CTNNA3: variants seen among roughly 807,000 people sequenced by gnomAD.
The protein encoded by CTNNA3 is catenin alpha-3.
Under a neutral mutation model 95.7 loss-of-function variants are expected in CTNNA3, and 76 were observed. The observed-to-expected ratio is 0.79, with a 90% CI of 0.66 to 0.96. The LOEUF (loss-of-function observed/expected upper bound fraction) is 0.96, where lower values mean the gene tolerates loss of function less well. CTNNA3 is among the 40% of genes least tolerant of loss of function. CTNNA3 has a pLI of 0.00. For synonymous variants in CTNNA3, 431 were observed against 374.4 expected, an observed-to-expected ratio of 1.15 and a Z score of -1.74; for missense variants, 1,191 against 1,089.8, an observed-to-expected ratio of 1.09 and a Z score of -1.31.
At chr10:66,476,757 T>C (rs940090943) in intron 11 of CTNNA3, among the ~76,000 whole-genome samples, 3 of 152,118 alleles carry the variant, frequency 2.0e-5, no homozygotes, top group Admixed American at 6.6e-5. Context: ...TTTGAAGCTG[T>C]CTTCTGCTAT....
At chr10:67,452,140 A>T (rs1847013893) in intron 5 of CTNNA3, among the ~76,000 whole-genome samples, 1 of 151,916 alleles carries the variant, frequency 6.6e-6, no homozygotes, top group African/African-American at 2.4e-5. Context: ...TATAAGCAAC[A>T]CTTTAAAGCA....
At chr10:66,167,059 A>C (rs1471223850) in intron 13 of CTNNA3, among the ~76,000 whole-genome samples, 1 of 152,202 alleles carries the variant, frequency 6.6e-6, no homozygotes, top group Non-Finnish European at 1.5e-5. Context: ...TTGCTTCTAA[A>C]AACTGAAGTA....
chr10:67,742,015 T>C (rs993209920), intron 1 of CTNNA3, among the ~76,000 whole-genome samples: 24 of 151,078 alleles, frequency 1.6e-4, no homozygotes, highest in African/African-American at 5.8e-4. Flanking sequence ...AGCAAGTCCT[T>C]AGAGACCTAC....
chr10:66,370,005 G>A (rs1337949380), intron 12 of CTNNA3, among the ~76,000 whole-genome samples: 1 of 152,018 alleles, frequency 6.6e-6, no homozygotes, highest in East Asian at 1.9e-4. Flanking sequence ...TAAAGCTATT[G>A]TCAATTAAGT....
At chr10:66,952,824 A>G (rs1848603547) in intron 7 of CTNNA3, among the ~76,000 whole-genome samples, 1 of 151,896 alleles carries the variant, frequency 6.6e-6, no homozygotes, top group Non-Finnish European at 1.5e-5. Context: ...GTAATTTATT[A>G]TATAATTTCA....
At chr10:65,962,631 C>G (rs374987827) in intron 17 of CTNNA3, among the ~76,000 whole-genome samples, 1 of 151,810 alleles carries the variant, frequency 6.6e-6, no homozygotes, top group African/African-American at 2.4e-5. Flanking sequence ...TAGATATACA[C>G]GTGCCCTGGT....
chr10:66,628,440 A>C (rs1845015702), intron 9 of CTNNA3, among the ~76,000 whole-genome samples: 1 of 152,112 alleles, frequency 6.6e-6, no homozygotes, highest in African/African-American at 2.4e-5. Context: ...TAGGTTATTA[A>C]ACTTAACTGC....
chr10:66,795,654 C>T (rs1841156524), intron 7 of CTNNA3, among the ~76,000 whole-genome samples: 1 of 152,122 alleles, frequency 6.6e-6, no homozygotes, highest in Non-Finnish European at 1.5e-5. Flanking sequence ...GATTTGAAGC[C>T]AGGCATTGAC....
At chr10:66,034,019 A>C (rs978411208) in intron 15 of CTNNA3, among the ~76,000 whole-genome samples, 6 of 152,000 alleles carry the variant, frequency 3.9e-5, no homozygotes, top group Non-Finnish European at 8.8e-5. Flanking sequence ...AAATATTAAC[A>C]GTATATACCT....
chr10:67,038,408 C>T (rs567508952), intron 7 of CTNNA3, among the ~76,000 whole-genome samples: 9 of 151,908 alleles, frequency 5.9e-5, no homozygotes, highest in Admixed American at 5.9e-4. Flanking sequence ...TACAAAGAAA[C>T]AAAAATACGT....
chr10:66,609,328 G>T (rs886535244), intron 10 of CTNNA3, among the ~76,000 whole-genome samples: 1 of 148,854 alleles, frequency 6.7e-6, no homozygotes, highest in African/African-American at 2.5e-5. Context: ...CTCCCAAAGT[G>T]CTGGGATTAC....
intron 10 of CTNNA3, among the ~76,000 whole-genome samples, chr10:66,528,147 C>G (rs1015141241): frequency 6.6e-6 from 1 of 152,100 alleles, no homozygotes; most frequent in Non-Finnish European, 1.5e-5. Flanking sequence ...TCTCTTTCCT[C>G]ATAGAGGCCT....
At chr10:67,181,336 T>C (rs1862531796) in intron 6 of CTNNA3, among the ~76,000 whole-genome samples, 1 of 152,206 alleles carries the variant, frequency 6.6e-6, no homozygotes, top group Non-Finnish European at 1.5e-5. Flanking sequence ...GAAGTCGAGA[T>C]AATCTACAGC....
In CTNNA3 at chr10:66,309,954, T is replaced by TAAAA. The variant is rs1347699558; in HGVS notation, c.1733-29337_1733-29334dup. The stretch of plus-strand genomic sequence containing the variant: ...ATAAATAAATAAATAAATAAATAAA[T>TAAAA]AAAATAAAAATAAAAATAAATTAGC... On this transcript the variant is annotated intron_variant, in intron 12 of 17. Transcript: ENST00000433211. Among the ~76,000 whole-genome samples, 543 of 121,394 alleles carry TAAAA rather than the reference T, an allele frequency of 4.5e-3. 1 individual carries two copies. Among genetic ancestry groups the TAAAA allele is most frequent in the South Asian group, 8.6e-3 (33 of 3,852 alleles). The allele number at this position is 121,394 out of a possible 152,430, so 79.6% of individuals were successfully genotyped here. A position where few individuals can be genotyped will look rare whatever the true frequency, so the allele number is the denominator to read the frequency against.
intron 6 of CTNNA3, among the ~76,000 whole-genome samples, chr10:67,182,127 A>T (rs1564950236): frequency 1.3e-5 from 2 of 152,184 alleles, no homozygotes; most frequent in Non-Finnish European, 2.9e-5. Context: ...AAGGTAATTT[A>T]TAGATTCAAT....
intron 1 of CTNNA3, among the ~76,000 whole-genome samples, chr10:67,728,194 C>G (rs899224393): frequency 6.7e-6 from 1 of 148,158 alleles, no homozygotes; most frequent in South Asian, 2.1e-4. Context: ...TGGCTCACAC[C>G]TGTAATCCTA....
At chr10:66,531,103 A>G (rs193268656) in intron 10 of CTNNA3, among the ~76,000 whole-genome samples, 30 of 152,280 alleles carry the variant, frequency 2.0e-4, no homozygotes, top group Admixed American at 1.9e-3. Flanking sequence ...TACACTAAAT[A>G]TTAAGATTGG....
chr10:66,122,528 CA>C (rs2082627159), intron 13 of CTNNA3, among the ~76,000 whole-genome samples: 1 of 152,086 alleles, frequency 6.6e-6, no homozygotes, highest in African/African-American at 2.4e-5. Flanking sequence ...CAAGAAAGTA[CA>C]GCCAAGCATA....
At chr10:67,394,204 C>A (rs1844632287) in intron 5 of CTNNA3, among the ~76,000 whole-genome samples, 1 of 151,382 alleles carries the variant, frequency 6.6e-6, no homozygotes. Context: ...ATTCCCTAAT[C>A]ATGTAAAATA....
Sources: allele counts gnomAD v4.1 joint callset (sites outside exome capture counted in the v4.1 genomes callset), GRCh38; gene constraint gnomAD v4.1.1; transcripts MANE v1.5; gene names NCBI Gene and HGNC (gene_info 2026-07-23, HGNC 2026-07-21).